The following XKR4 variants were observed in gnomAD, a reference collection of about 807,000 sequenced individuals.
The protein encoded by XKR4 is XK-related protein 4.
XKR4 carries 12 observed loss-of-function variants against 53.9 expected under a neutral mutation model. That is an observed-to-expected ratio of 0.22 (90% CI 0.14 to 0.36). The LOEUF is 0.36. Ranked by LOEUF, XKR4 falls within the 10% of genes least tolerant of loss-of-function variation. The pLI, the probability that XKR4 is intolerant of heterozygous loss-of-function variation, is 1.00. For synonymous variants in XKR4, 354 were observed against 362.4 expected, an observed-to-expected ratio of 0.98 and a Z score of 0.26; for missense variants, 799 against 859.5, an observed-to-expected ratio of 0.93 and a Z score of 0.88.
chr8:55,390,687 G>C (rs973911371), intron 2 of XKR4, among the ~76,000 whole-genome samples: 1 of 152,180 alleles, frequency 6.6e-6, no homozygotes, highest in African/African-American at 2.4e-5. Context: ...ACGAGGTTTT[G>C]CTTTCTCCCT....
At chr8:55,433,483 T>C (rs1225676856) in intron 2 of XKR4, among the ~76,000 whole-genome samples, 1 of 152,258 alleles carries the variant, frequency 6.6e-6, no homozygotes, top group Non-Finnish European at 1.5e-5. Flanking sequence ...ATTACTGATT[T>C]AAGTGTAGTT....
intron 1 of XKR4, among the ~76,000 whole-genome samples, chr8:55,307,137 A>G (rs1819314306): frequency 6.6e-6 from 1 of 152,154 alleles, no homozygotes; most frequent in Non-Finnish European, 1.5e-5. Flanking sequence ...AAAATTGATA[A>G]ATTGGACTAC....
At chr8:55,161,174 A>G (rs1486597299) in intron 1 of XKR4, among the ~76,000 whole-genome samples, 4 of 152,180 alleles carry the variant, frequency 2.6e-5, no homozygotes, top group Non-Finnish European at 4.4e-5. Context: ...CATCCTTCAC[A>G]GCACGTGGCC....
At position 55,295,491 on chromosome 8, in the gene XKR4, G is replaced by A. The variant is rs539949060; in HGVS notation, c.807-62187G>A. Among the ~76,000 whole-genome samples, 4 of 152,244 alleles carry A rather than the reference G, an allele frequency of 2.6e-5. No individual in the cohort carries two copies. The South Asian group carries it at 8.3e-4, about 32-fold the overall frequency. ...GCACTTACTATGTGCTGGTAGCAGG[G>A]ACAAAGAAATAACAACAATATGTTA... On this transcript the variant is annotated intron_variant, in intron 1 of 2. Transcript: ENST00000327381.
chr8:55,265,362 G>A (rs1818581202), intron 1 of XKR4, among the ~76,000 whole-genome samples: 1 of 152,234 alleles, frequency 6.6e-6, no homozygotes, highest in Non-Finnish European at 1.5e-5. Flanking sequence ...CCAGCTGAAG[G>A]CAACTATGAA....
At chr8:55,393,356 G>A (rs934921885) in intron 2 of XKR4, among the ~76,000 whole-genome samples, 1 of 151,396 alleles carries the variant, frequency 6.6e-6, no homozygotes, top group African/African-American at 2.4e-5. Context: ...TTTCTCTTCT[G>A]AAGTACATAA....
intron 1 of XKR4, among the ~76,000 whole-genome samples, chr8:55,192,636 C>T (rs764405200): frequency 2.0e-5 from 3 of 152,090 alleles, no homozygotes; most frequent in Non-Finnish European, 4.4e-5. Flanking sequence ...CAGGTGCAGA[C>T]CAACACAGCA....
At chr8:55,138,793 A>G (rs1435854249) in intron 1 of XKR4, among the ~76,000 whole-genome samples, 1 of 152,124 alleles carries the variant, frequency 6.6e-6, no homozygotes, top group African/African-American at 2.4e-5. Context: ...TGCTTGCTTC[A>G]TTTTGCTCAC....
intron 2 of XKR4, chr8:55,517,621 G>A (rs940056141): frequency 3.3e-5 from 5 of 152,208 alleles, no homozygotes; most frequent in African/African-American, 1.2e-4. Flanking sequence ...AAGAGAATGC[G>A]GCTTTACGTA....
intron 2 of XKR4, among the ~76,000 whole-genome samples, chr8:55,427,345 T>C (rs1033363370): frequency 5.9e-5 from 9 of 152,196 alleles, no homozygotes; most frequent in Non-Finnish European, 1.3e-4. Flanking sequence ...AGTTGATATA[T>C]TTTTATGGTA....
intron 2 of XKR4, among the ~76,000 whole-genome samples, chr8:55,392,673 C>A (rs1326304487): frequency 1.3e-5 from 2 of 152,030 alleles, no homozygotes; most frequent in African/African-American, 4.8e-5. Flanking sequence ...TGCCTATAGT[C>A]CCAGCTATTC....
chr8:55,439,894 A>G (rs1358443682), intron 2 of XKR4, among the ~76,000 whole-genome samples: 8 of 152,210 alleles, frequency 5.3e-5, no homozygotes, highest in Admixed American at 5.2e-4. Flanking sequence ...GAATAAATCA[A>G]GTTAATCCTT....
intron 1 of XKR4, among the ~76,000 whole-genome samples, chr8:55,167,945 A>G (rs1329182369): frequency 6.6e-6 from 1 of 152,210 alleles, no homozygotes; most frequent in Non-Finnish European, 1.5e-5. Flanking sequence ...TTCAAGGAGT[A>G]ACCAACTGTA....
At chr8:55,433,835 G>A (rs987202237) in intron 2 of XKR4, among the ~76,000 whole-genome samples, 3 of 152,122 alleles carry the variant, frequency 2.0e-5, no homozygotes, top group African/African-American at 7.2e-5. Flanking sequence ...AGACCAGGCT[G>A]GACAACATAG....
chr8:55,115,720 T>C (rs1323861450), intron 1 of XKR4, among the ~76,000 whole-genome samples: 1 of 151,896 alleles, frequency 6.6e-6, no homozygotes, highest in Admixed American at 6.6e-5. Context: ...AGGTGGAGGT[T>C]GCAGTGAGCC....
chr8:55,441,855 C>G (rs1215179127), intron 2 of XKR4, among the ~76,000 whole-genome samples: 2 of 151,712 alleles, frequency 1.3e-5, no homozygotes, highest in African/African-American at 4.8e-5. Context: ...ATAGCTAAAA[C>G]AGTGTTTAGA....
intron 1 of XKR4, among the ~76,000 whole-genome samples, chr8:55,304,851 A>T (rs1380538167): frequency 1.3e-5 from 2 of 152,180 alleles, no homozygotes; most frequent in Non-Finnish European, 2.9e-5. Context: ...TTTGCTTGGT[A>T]GCTCTTCCTC....
chr8:55,255,360 T>C (rs1818423051), intron 1 of XKR4, among the ~76,000 whole-genome samples: 1 of 152,176 alleles, frequency 6.6e-6, no homozygotes. Context: ...ATGCAGTATT[T>C]TAAAAATTAG....
rs189592361 is a variant in XKR4 at position 55,339,296 on chromosome 8, C to A, written c.807-18382C>A. The stretch of plus-strand genomic sequence containing the variant: ...GTGGAAACTTTACACGTGATCTAAC[C>A]CCCCTACAGTGAAGACTCCTCATGG... On this transcript the variant is annotated intron_variant, in intron 1 of 2. Coordinates refer to ENST00000327381, the MANE Select transcript of XKR4 (RefSeq NM_052898.2). 5.3e-4 allele frequency among the ~76,000 whole-genome samples: 81 copies of A among 152,272 alleles called. 1 individual carries two copies. The highest frequency in any genetic ancestry group is 7.2e-4 in the Admixed American group (11 of 15,296).
Sources: gnomAD v4.1 joint callset for allele counts (sites outside exome capture counted in the v4.1 genomes callset) on GRCh38, gnomAD v4.1.1 for gene constraint, MANE v1.5 for transcripts, NCBI Gene and HGNC (gene_info 2026-07-23, HGNC 2026-07-21) for gene names.